The following HOMER2 variants were observed in gnomAD, a reference collection of about 807,000 sequenced individuals.
HOMER2 encodes homer protein homolog 2.
Under a neutral mutation model 47.0 loss-of-function variants are expected in HOMER2, and 27 were observed. The observed-to-expected ratio is 0.57, with a 90% CI of 0.42 to 0.79. The LOEUF (loss-of-function observed/expected upper bound fraction) is 0.79. HOMER2 is among the 30% of genes least tolerant of loss of function. The pLI is 0.00. For missense variants in HOMER2, 443 were observed against 435.0 expected (o/e 1.02, Z -0.16); for synonymous variants, 161 against 163.8 (o/e 0.98, Z 0.13).
chr15:82,857,889 T>C (rs1686978785), intron 5 of HOMER2, among the ~76,000 whole-genome samples: 2 of 152,198 alleles, frequency 1.3e-5, no homozygotes, highest in South Asian at 4.1e-4. Flanking sequence ...CTGTGGGGAA[T>C]GCTCCACATT....
intron 1 of HOMER2, among the ~76,000 whole-genome samples, chr15:82,961,552 G>A (rs1188791397): frequency 6.6e-6 from 1 of 152,024 alleles, no homozygotes; most frequent in Non-Finnish European, 1.5e-5. Context: ...TGCTTCACTG[G>A]TTTATCACTT....
upstream of HOMER2, among the ~76,000 whole-genome samples, chr15:82,956,616 T>C (rs2054590122): frequency 6.6e-6 from 1 of 152,002 alleles, no homozygotes; most frequent in Non-Finnish European, 1.5e-5. Flanking sequence ...AGACAAAAGA[T>C]AAGGGTGGAG....
intron 1 of HOMER2, among the ~76,000 whole-genome samples, chr15:82,928,940 T>TAAAAAAAAAAAAAAAAAAAAAATA: frequency 2.5e-5 from 1 of 39,942 alleles, no homozygotes; most frequent in African/African-American, 1.5e-4. Context: ...AAATAAAAAC[T>TAAAAAAAAAAAAAAAAAAAAAATA]AAAAAAAAAA....
intron 1 of HOMER2, among the ~76,000 whole-genome samples, chr15:82,965,863 G>C (rs1477568093): frequency 6.6e-6 from 1 of 151,928 alleles, no homozygotes; most frequent in Non-Finnish European, 1.5e-5. Context: ...TGGAGGCCGA[G>C]ATGGGAGGAT....
At chr15:82,901,201 C>A (rs1339120999) in intron 1 of HOMER2, among the ~76,000 whole-genome samples, 1 of 152,114 alleles carries the variant, frequency 6.6e-6, no homozygotes, top group Non-Finnish European at 1.5e-5. Context: ...TCCAAAAGGG[C>A]TGGATGGGCC....
chr15:82,981,146 A>G (rs957678211), intron 1 of HOMER2, among the ~76,000 whole-genome samples: 1 of 152,232 alleles, frequency 6.6e-6, no homozygotes. Flanking sequence ...CCAAAGACAC[A>G]GGGAACTGCA....
intron 1 of HOMER2, among the ~76,000 whole-genome samples, chr15:82,931,906 A>T (rs1057303761): frequency 6.6e-5 from 10 of 152,264 alleles, no homozygotes; most frequent in Non-Finnish European, 1.5e-4. Context: ...TCACAAAGTC[A>T]AACTCAATTA....
intron 7 of HOMER2, 139 bp from the exon 8 acceptor site, chr15:82,851,370 G>A (rs1313955474): frequency 7.7e-6 from 5 of 647,530 alleles, no homozygotes; most frequent in South Asian, 1.8e-5. Context: ...GTGACCATGC[G>A]AATACTTCAT....
At chr15:82,982,536 A>T (rs8025253) in intron 1 of HOMER2, among the ~76,000 whole-genome samples, 1 of 151,886 alleles carries the variant, frequency 6.6e-6, no homozygotes, top group Non-Finnish European at 1.5e-5. Context: ...AGAAAATACC[A>T]GTTGAGTATC....
At chr15:82,966,274 AG>A (rs2151254500) in intron 1 of HOMER2, among the ~76,000 whole-genome samples, 1 of 152,314 alleles carries the variant, frequency 6.6e-6, no homozygotes, top group Non-Finnish European at 1.5e-5. Flanking sequence ...CCCAAGATGA[AG>A]GGGAAAGTTC....
At chr15:82,915,873 A>T (rs1372842961) in intron 1 of HOMER2, among the ~76,000 whole-genome samples, 1 of 152,256 alleles carries the variant, frequency 6.6e-6, no homozygotes, top group Non-Finnish European at 1.5e-5. Flanking sequence ...AAAGTTGAGG[A>T]TTGGTTAAAT....
chr15:82,969,213 C>T (rs1444563157), intron 1 of HOMER2, among the ~76,000 whole-genome samples: 1 of 152,158 alleles, frequency 6.6e-6, no homozygotes, highest in Non-Finnish European at 1.5e-5. Flanking sequence ...AAGAGTCACA[C>T]CATCTTGGGG....
rs1446157182 is a variant in HOMER2 at position 82,849,112 on chromosome 15, C to T, written c.*603G>A. 1 of 145,688 alleles carries T rather than the reference C, an allele frequency of 6.9e-6. No individual in the cohort carries two copies. Among genetic ancestry groups the T allele is most frequent in the Non-Finnish European group, 1.5e-5 (1 of 67,318 alleles). 9.0% of individuals were successfully genotyped at this position (145,688 alleles called of 1,614,324 possible). On this transcript the variant is annotated 3_prime_UTR_variant, in exon 9 of 9. Transcript: ENST00000450735. The stretch of plus-strand genomic sequence containing the variant: ...AAAACCAAGAAAAGGAACACTGTTG[C>T]AACCGTACAAACTGGGGGGGCGGGG...
exon 2 of HOMER2, chr15:82,841,518 C>A (rs2051175231): frequency 1.9e-5 from 1 of 53,818 alleles, no homozygotes; most frequent in African/African-American, 1.3e-4. Flanking sequence ...AAACACTCTT[C>A]TAAGTAAAAA....
intron 1 of HOMER2, among the ~76,000 whole-genome samples, chr15:82,894,950 G>A (rs1241496770): frequency 6.6e-6 from 1 of 152,150 alleles, no homozygotes; most frequent in Non-Finnish European, 1.5e-5. Flanking sequence ...TTTTAAGAAT[G>A]CTCTTGAGAA....
intron 1 of HOMER2, among the ~76,000 whole-genome samples, chr15:82,969,063 G>C (rs2029897361): frequency 6.6e-6 from 1 of 152,186 alleles, no homozygotes; most frequent in Admixed American, 6.5e-5. Context: ...TTCTCATTGA[G>C]GAAATTCAGA....
intron 2 of HOMER2, among the ~76,000 whole-genome samples, chr15:82,878,209 T>C (rs959795429): frequency 6.6e-6 from 1 of 152,190 alleles, no homozygotes; most frequent in Admixed American, 6.5e-5. Flanking sequence ...GGCCAGAGTA[T>C]AGGATATGGC....
chr15:82,971,784 A>C (rs982605335), intron 1 of HOMER2, among the ~76,000 whole-genome samples: 1 of 151,440 alleles, frequency 6.6e-6, no homozygotes, highest in Non-Finnish European at 1.5e-5. Flanking sequence ...GGGGTGGGGG[A>C]GGGAACTAGC....
At chr15:82,909,812 T>C (rs1354580944) in intron 1 of HOMER2, among the ~76,000 whole-genome samples, 2 of 152,194 alleles carry the variant, frequency 1.3e-5, no homozygotes, top group Non-Finnish European at 2.9e-5. Flanking sequence ...AATTTTACTG[T>C]ATCCTACAGT....
Sources: gnomAD v4.1 joint callset for allele counts (sites outside exome capture counted in the v4.1 genomes callset) on GRCh38, gnomAD v4.1.1 for gene constraint, MANE v1.5 for transcripts, NCBI Gene and HGNC (gene_info 2026-07-23, HGNC 2026-07-21) for gene names.